Variants in ATG2B observed in about 807,000 individuals in gnomAD.
The protein encoded by ATG2B is autophagy-related protein 2 homolog B.
ATG2B carries 121 observed loss-of-function variants against 241.3 expected under a neutral mutation model. The ratio of observed to expected loss-of-function variants is 0.50; its 90% CI spans 0.43 to 0.58. The LOEUF (loss-of-function observed/expected upper bound fraction) is 0.58, where lower values mean the gene tolerates loss of function less well. Ranked by LOEUF, ATG2B falls within the 20% of genes least tolerant of loss-of-function variation. The probability of loss-of-function intolerance (pLI) is 0.00; values close to 1 mark genes in which losing one functional copy is unlikely to be tolerated. For missense variants in ATG2B, 2,306 were observed against 2,491.6 expected (o/e 0.93, Z 1.59); for synonymous variants, 858 against 876.6 (o/e 0.98, Z 0.37).
At chr14:96,305,518 T>C in intron 31 of ATG2B, 71 bp downstream of exon 31, 1 of 1,054,302 alleles carries the variant, frequency 9.5e-7, no homozygotes, top group East Asian at 2.6e-5. Flanking sequence ...AAAGGGGAAA[T>C]GGAAAATTCT....
chr14:96,305,449 T>G, intron 31 of ATG2B, 140 bp downstream of exon 31: 1 of 576,718 alleles, frequency 1.7e-6, no homozygotes, highest in Non-Finnish European at 3.0e-6. Flanking sequence ...TTACAGTTTT[T>G]AATACTACTT....
intron 23 of ATG2B, among the ~76,000 whole-genome samples, chr14:96,314,455 A>C (rs1181644924): frequency 6.6e-6 from 1 of 152,222 alleles, no homozygotes; most frequent in African/African-American, 2.4e-5. Context: ...TTATTGGCCT[A>C]GGGAATTATA....
At chr14:96,302,208 C>T in intron 33 of ATG2B, 100 bp from the exon 34 acceptor site, 1 of 709,564 alleles carries the variant, frequency 1.4e-6, no homozygotes, top group South Asian at 1.9e-5. Flanking sequence ...ATTCCTATAC[C>T]ATATGAGAAA....
At chr14:96,291,797 A>G (rs1886491999) in intron 37 of ATG2B, 115 bp from the exon 38 acceptor site, 2 of 728,458 alleles carry the variant, frequency 2.7e-6, no homozygotes, top group Non-Finnish European at 4.5e-6. Context: ...TAAAACACTT[A>G]AAATATTTAC....
intron 36 of ATG2B, among the ~76,000 whole-genome samples, chr14:96,292,661 A>G (rs2139838140): frequency 6.6e-6 from 1 of 152,374 alleles, no homozygotes; most frequent in South Asian, 2.1e-4. Flanking sequence ...CTCAGTCTTC[A>G]GAAATTGTTA....
At chr14:96,349,386 T>C (rs72704899) in intron 1 of ATG2B, among the ~76,000 whole-genome samples, 30,744 of 152,150 alleles carry the variant, frequency 0.2, 3,869 homozygotes, top group Non-Finnish European at 0.27. Context: ...TTAAGGGTGA[T>C]GTGAAGCCAC....
Position 96,305,770 on chromosome 14 carries a change from T to A in ATG2B, c.4552A>T (p.Ile1518Phe). The change falls in exon 31 of 42, where the codon ATT becomes TTT. Residue 1518 changes from isoleucine to phenylalanine, a missense_variant. Physicochemically the swap from Ile to Phe is conservative, Grantham distance 21. This residue lies in a region of ATG2B where 1,927 missense variants were observed against 2,011.2 expected (regional missense o/e 0.96). Transcript: ENST00000359933. Reference sequence around the variant, plus strand: ...CTGAAATAATTGTCTCTTATCACAATTGCATCATCAACCATGATTTTTATA... The same window carrying A: ...CTGAAATAATTGTCTCTTATCACAAATGCATCATCAACCATGATTTTTATA... ...PVIKIMVDDA[I>F]VIRDNYFSLP... is the part of the protein sequence containing the mutation. The A allele has an allele frequency of 6.2e-7, 1 of 1,614,206 alleles. No homozygotes were observed. The highest frequency in any genetic ancestry group is 8.5e-7 in the Non-Finnish European group (1 of 1,180,024).
chr14:96,331,607 T>G lies in ATG2B; in HGVS notation c.1499A>C (p.Glu500Ala), dbSNP rs772299578. 6.2e-7 allele frequency: 1 copy of G among 1,613,248 alleles called. No individual in the cohort carries two copies. Among genetic ancestry groups the G allele is most frequent in the South Asian group, 1.1e-5 (1 of 90,868 alleles). ...SLPSRSVSVD[E>A]SRPELIFRLA... ...TCTAAAAATAAGTTCAGGCCTTGAT[T>G]CATCCACTGAAACAGATCTAGATGG... is the stretch of plus-strand genomic sequence containing the variant. The change falls in exon 11 of 42, where the codon GAA becomes GCA. Residue 500 changes from glutamate (E) to alanine (A), a missense_variant. Glu to Ala is a moderately radical substitution (Grantham distance 107). Around this residue, in one of 2 missense-constraint regions of ATG2B, gnomAD observed 1,927 missense variants for 2,011.2 expected, o/e 0.96. Transcript: ENST00000359933.
chr14:96,320,412 A>C (rs1056751554), intron 18 of ATG2B, among the ~76,000 whole-genome samples: 1 of 152,134 alleles, frequency 6.6e-6, no homozygotes, highest in Non-Finnish European at 1.5e-5. Flanking sequence ...ATCTCTGAAA[A>C]AATTTTTTTC....
At chr14:96,309,833 T>C (rs1044999196) in intron 28 of ATG2B, among the ~76,000 whole-genome samples, 3 of 152,102 alleles carry the variant, frequency 2.0e-5, no homozygotes, top group Non-Finnish European at 2.9e-5. Flanking sequence ...TGAACTGGGA[T>C]CTTGAAGAGG....
At chr14:96,314,244 C>A (rs915180734) in intron 23 of ATG2B, among the ~76,000 whole-genome samples, 7 of 152,310 alleles carry the variant, frequency 4.6e-5, no homozygotes, top group African/African-American at 1.7e-4. Context: ...ATTTTCCCAG[C>A]ACAATTAAGA....
chr14:96,315,011 C>T, intron 23 of ATG2B, 143 bp downstream of exon 23: 2 of 649,720 alleles, frequency 3.1e-6, no homozygotes, highest in Non-Finnish European at 5.4e-6. Flanking sequence ...TATTTCTTAA[C>T]CTAAAAGGTG....
chr14:96,317,790 A>T lies in ATG2B; in HGVS notation c.2945T>A (p.Ile982Asn). The T allele has an allele frequency of 1.9e-6, 3 of 1,613,024 alleles. No homozygotes were observed. The highest frequency in any genetic ancestry group is 2.5e-6 in the Non-Finnish European group (3 of 1,179,186). Reference protein sequence around the residue: ...APSPVETFENISYGIGLSVAS... With the variant: ...APSPVETFENNSYGIGLSVAS... ...TACTGAAAGCCCAATGCCATAGGAA[A>T]TATTCTCGAATGTCTCCACTGGTGA... The change falls in exon 19 of 42, where the codon ATT (isoleucine) becomes AAT (asparagine). Residue 982 changes from isoleucine to asparagine, a missense_variant. Physicochemically the swap from Ile to Asn is moderately radical, Grantham distance 149. Transcript: ENST00000359933.
intron 31 of ATG2B, among the ~76,000 whole-genome samples, 192 bp from the exon 32 acceptor site, chr14:96,304,795 T>C (rs779751260): frequency 6.6e-6 from 1 of 152,154 alleles, no homozygotes; most frequent in Non-Finnish European, 1.5e-5. Context: ...ACGCGTTTCA[T>C]TATTGCCATT....
chr14:96,331,842 G>A (rs932048779), intron 10 of ATG2B, among the ~76,000 whole-genome samples: 1 of 152,060 alleles, frequency 6.6e-6, no homozygotes, highest in Non-Finnish European at 1.5e-5. Flanking sequence ...ACAAGAGTAC[G>A]TGACAACAGT....
chr14:96,306,451 A>G (rs531132372), intron 30 of ATG2B, among the ~76,000 whole-genome samples: 4 of 152,292 alleles, frequency 2.6e-5, no homozygotes, highest in Admixed American at 2.6e-4. Flanking sequence ...ACGATCCTTG[A>G]ATAGTCATCT....
intron 1 of ATG2B, among the ~76,000 whole-genome samples, chr14:96,352,124 A>G (rs1217595446): frequency 3.9e-5 from 6 of 152,160 alleles, no homozygotes; most frequent in Admixed American, 3.3e-4. Context: ...CTGTAAGATT[A>G]TAATGGAGCT....
chr14:96,313,534 A>G (rs1887221507), intron 23 of ATG2B, 99 bp from the exon 24 acceptor site: 1 of 527,030 alleles, frequency 1.9e-6, no homozygotes, highest in Admixed American at 3.7e-5. Flanking sequence ...CTCACAGAAA[A>G]AATCATTTAA....
At chr14:96,347,397 G>A (rs1045051320) in intron 1 of ATG2B, 56 bp from the exon 2 acceptor site, 2 of 1,417,164 alleles carry the variant, frequency 1.4e-6, no homozygotes, top group Non-Finnish European at 1.9e-6. Flanking sequence ...ACAAAGTTGT[G>A]AACTTATTCA....
Sources: allele counts gnomAD v4.1 joint callset (sites outside exome capture counted in the v4.1 genomes callset), GRCh38; gene constraint gnomAD v4.1.1; regional missense constraint gnomAD v4.1.1; transcripts MANE v1.5; gene names NCBI Gene and HGNC (gene_info 2026-07-23, HGNC 2026-07-21).